Variants in SLC44A5 observed in about 807,000 individuals in gnomAD.
SLC44A5 encodes solute carrier family 44 member 5, also known as choline transporter-like protein 5.
A neutral mutation model predicts 101.8 loss-of-function variants in SLC44A5; 57 were observed. The ratio of observed to expected loss-of-function variants is 0.56; its 90% CI spans 0.45 to 0.70. The LOEUF (loss-of-function observed/expected upper bound fraction) is 0.70. Ranked by LOEUF, SLC44A5 falls within the 30% of genes least tolerant of loss-of-function variation. The pLI is 0.00. For synonymous variants in SLC44A5, 281 were observed against 290.9 expected (o/e 0.97, Z 0.35); for missense variants, 737 against 853.1 (o/e 0.86, Z 1.70).
the SLC44A5 span, among the ~76,000 whole-genome samples, chr1:75,646,571 A>C: frequency 6.6e-6 from 1 of 152,156 alleles, no homozygotes; most frequent in South Asian, 2.1e-4. Flanking sequence ...TGTAATCCCC[A>C]CATGTTGCAG....
intron 3 of SLC44A5, among the ~76,000 whole-genome samples, chr1:75,359,164 ATTTTC>A (rs769759365): frequency 7.4e-5 from 9 of 121,832 alleles, no homozygotes; most frequent in Non-Finnish European, 1.6e-4. Context: ...AAATGACAGA[ATTTTC>A]TTTTCTTTTT....
chr1:75,250,695 T>C (rs1649495216), intron 7 of SLC44A5, among the ~76,000 whole-genome samples: 1 of 152,156 alleles, frequency 6.6e-6, no homozygotes, highest in South Asian at 2.1e-4. Flanking sequence ...TTTTCATTGC[T>C]GGATGCATAT....
intron 2 of SLC44A5, among the ~76,000 whole-genome samples, chr1:75,443,151 A>G (rs1299558574): frequency 6.6e-6 from 1 of 152,180 alleles, no homozygotes; most frequent in African/African-American, 2.4e-5. Flanking sequence ...GCAATTTCCT[A>G]TGGTTTAAGC....
intron 2 of SLC44A5, among the ~76,000 whole-genome samples, chr1:75,447,938 A>G (rs1402363852): frequency 6.6e-6 from 1 of 152,200 alleles, no homozygotes; most frequent in East Asian, 1.9e-4. Flanking sequence ...TGTAAAAAAG[A>G]ATGAGTCTGT....
chr1:75,333,936 A>T (rs1657250376), intron 4 of SLC44A5, among the ~76,000 whole-genome samples: 1 of 152,076 alleles, frequency 6.6e-6, no homozygotes, highest in Non-Finnish European at 1.5e-5. Flanking sequence ...AAACATTCTA[A>T]ACTTGTGTCC....
intron 2 of SLC44A5, among the ~76,000 whole-genome samples, chr1:75,485,114 A>G (rs959292200): frequency 6.6e-6 from 1 of 152,234 alleles, no homozygotes; most frequent in Non-Finnish European, 1.5e-5. Flanking sequence ...TTACTTATGC[A>G]AATTCTAACA....
chr1:75,481,641 GAC>G (rs1012646072), intron 2 of SLC44A5, among the ~76,000 whole-genome samples: 1 of 151,024 alleles, frequency 6.6e-6, no homozygotes, highest in Non-Finnish European at 1.5e-5. Flanking sequence ...GCAGCCAACA[GAC>G]ACATGAAAAA....
rs1359733589 is a variant in SLC44A5 at position 75,202,767 on chromosome 1, C to T, written c.*960G>A. On this transcript the variant is annotated 3_prime_UTR_variant, in exon 24 of 24. Coordinates refer to ENST00000370859, the MANE Select transcript of SLC44A5 (RefSeq NM_001130058.2). ...ATTCCTAGAAGTTTCTCTTTCTGATCTTTGTAAAACACTGAGAAATGCAGT... is the reference window on the plus strand; with the variant it reads ...ATTCCTAGAAGTTTCTCTTTCTGATTTTTGTAAAACACTGAGAAATGCAGT... 1 of 151,882 alleles carries T rather than the reference C, an allele frequency of 6.6e-6. No individual in the cohort carries two copies. Among genetic ancestry groups the T allele is most frequent in the East Asian group, 1.9e-4 (1 of 5,184 alleles). The allele number at this position is 151,882 out of a possible 1,614,324, so 9.4% of individuals were successfully genotyped here. A position where few individuals can be genotyped will look rare whatever the true frequency, so the allele number is the denominator to read the frequency against.
At chr1:75,586,459 TTA>T (rs137985325) in intron 1 of SLC44A5, among the ~76,000 whole-genome samples, 61,181 of 133,482 alleles carry the variant, frequency 0.46, 13,184 homozygotes, top group African/African-American at 0.48. Context: ...ATTTAAGAAA[TTA>T]TATATATATA....
chr1:75,722,808 G>T, the SLC44A5 span, among the ~76,000 whole-genome samples: 3 of 152,194 alleles, frequency 2.0e-5, no homozygotes, highest in Non-Finnish European at 4.4e-5. Flanking sequence ...AGTAACAGTA[G>T]TAACTGCTGT....
chr1:75,278,779 G>A (rs1346665386), intron 5 of SLC44A5, among the ~76,000 whole-genome samples: 1 of 152,086 alleles, frequency 6.6e-6, no homozygotes, highest in Non-Finnish European at 1.5e-5. Context: ...AACAAGTGGT[G>A]TGTTTTTAAT....
intron 2 of SLC44A5, among the ~76,000 whole-genome samples, chr1:75,486,292 C>T (rs1296513947): frequency 6.6e-6 from 1 of 151,904 alleles, no homozygotes; most frequent in Non-Finnish European, 1.5e-5. Context: ...TGAAGTAAGT[C>T]TCCAAGATAA....
chr1:75,527,321 G>T (rs551379956), intron 2 of SLC44A5, among the ~76,000 whole-genome samples: 2 of 148,464 alleles, frequency 1.3e-5, no homozygotes, highest in Non-Finnish European at 3.0e-5. Flanking sequence ...AGGAAGGGAG[G>T]GAGGGAGGGA....
the SLC44A5 span, among the ~76,000 whole-genome samples, chr1:75,701,359 A>C: frequency 8.5e-5 from 13 of 152,228 alleles, no homozygotes; most frequent in Non-Finnish European, 1.9e-4. Context: ...AACATACGCA[A>C]ATCAATAAAC....
intron 2 of SLC44A5, among the ~76,000 whole-genome samples, chr1:75,436,254 G>T (rs191166275): frequency 6.6e-6 from 1 of 152,114 alleles, no homozygotes; most frequent in East Asian, 1.9e-4. Context: ...TAATTATCAC[G>T]ATGAATTTAA....
chr1:75,461,543 C>G (rs868654233), intron 2 of SLC44A5, among the ~76,000 whole-genome samples: 5 of 152,054 alleles, frequency 3.3e-5, no homozygotes, highest in South Asian at 4.1e-4. Flanking sequence ...TTTTGCTAGC[C>G]ACGGTGACTA....
chr1:75,307,835 A>C (rs1655024667), intron 4 of SLC44A5, among the ~76,000 whole-genome samples: 1 of 152,226 alleles, frequency 6.6e-6, no homozygotes. Context: ...TTAGAAGGCA[A>C]GTTACACTGG....
intron 2 of SLC44A5, among the ~76,000 whole-genome samples, chr1:75,496,235 G>T (rs890715408): frequency 6.6e-6 from 1 of 152,026 alleles, no homozygotes. Flanking sequence ...AAAACAAGAT[G>T]ATACTAGTAT....
the SLC44A5 span, among the ~76,000 whole-genome samples, chr1:75,656,826 C>T: frequency 2.9e-3 from 446 of 152,230 alleles, 3 homozygotes; most frequent in African/African-American, 1.0e-2. Context: ...CTTTACCTAT[C>T]CATAATAACA....
Sources: gnomAD v4.1 joint callset for allele counts (sites outside exome capture counted in the v4.1 genomes callset) on GRCh38, gnomAD v4.1.1 for gene constraint, MANE v1.5 for transcripts, NCBI Gene and HGNC (gene_info 2026-07-23, HGNC 2026-07-21) for gene names.